Variants in CLMP observed in about 807,000 individuals in gnomAD.
CLMP encodes CXADR-like membrane protein.
In CLMP, 27 loss-of-function variants were observed where a neutral mutation model predicts 45.2. That is an observed-to-expected ratio of 0.60 (90% confidence interval 0.44 to 0.82). The LOEUF (loss-of-function observed/expected upper bound fraction) is 0.82. Ranked by LOEUF, CLMP falls within the 40% of genes least tolerant of loss-of-function variation. The pLI, the probability that CLMP is intolerant of heterozygous loss-of-function variation, is 0.00. For synonymous variants in CLMP, 167 were observed against 171.4 expected (o/e 0.97, Z 0.20); for missense variants, 403 against 448.4 (o/e 0.90, Z 0.91).
intron 5 of CLMP, among the ~76,000 whole-genome samples, chr11:123,077,646 A>G (rs1396665554): frequency 6.6e-6 from 1 of 152,168 alleles, no homozygotes; most frequent in Non-Finnish European, 1.5e-5. Flanking sequence ...TTTTAAAGAA[A>G]TTGGACTTTG....
At chr11:123,088,901 G>A (rs928258456) in intron 2 of CLMP, among the ~76,000 whole-genome samples, 4 of 152,204 alleles carry the variant, frequency 2.6e-5, no homozygotes, top group Non-Finnish European at 5.9e-5. Context: ...TGGGATTCCA[G>A]GCGTGAGCCA....
chr11:123,081,088 G>A lies in CLMP; in HGVS notation c.679+1997C>T, dbSNP rs148326200. Among the ~76,000 whole-genome samples the A allele has an allele frequency of 9.1e-3, 1,385 of 152,212 alleles. 14 individuals carry two copies. Among genetic ancestry groups the A allele is most frequent in the African/African-American group, 0.031 (1,291 of 41,534 alleles). On this transcript the variant is annotated intron_variant, in intron 5 of 6. Transcript: ENST00000448775. The stretch of plus-strand genomic sequence containing the variant: ...GAATCGCTTGAACCTGGGAGGTGGA[G>A]GTGGCAATGAGCCAAGACCACGCCA...
intron 1 of CLMP, among the ~76,000 whole-genome samples, chr11:123,106,328 C>T (rs770094745): frequency 3.4e-5 from 5 of 148,844 alleles, no homozygotes; most frequent in South Asian, 2.1e-4. Flanking sequence ...GAACCTTCAG[C>T]GGGCAGACGG....
intron 5 of CLMP, among the ~76,000 whole-genome samples, chr11:123,078,997 C>G (rs1206168969): frequency 1.3e-5 from 2 of 152,114 alleles, no homozygotes; most frequent in African/African-American, 4.8e-5. Context: ...AGGCTGGTCT[C>G]AAACTCCTGA....
At chr11:123,156,116 T>C (rs949619277) in intron 1 of CLMP, among the ~76,000 whole-genome samples, 1 of 152,132 alleles carries the variant, frequency 6.6e-6, no homozygotes, top group African/African-American at 2.4e-5. Flanking sequence ...ATAAGATTAC[T>C]GTCCTTATGA....
At chr11:123,194,454 C>A (rs1459514490) in intron 1 of CLMP, among the ~76,000 whole-genome samples, 1 of 151,860 alleles carries the variant, frequency 6.6e-6, no homozygotes, top group Non-Finnish European at 1.5e-5. Context: ...GCCCTTTTTC[C>A]CTCTCCCCTT....
At chr11:123,145,744 G>A (rs1475521981) in intron 1 of CLMP, among the ~76,000 whole-genome samples, 3 of 152,196 alleles carry the variant, frequency 2.0e-5, no homozygotes, top group Non-Finnish European at 4.4e-5. Flanking sequence ...GATTATAGGC[G>A]TGAGCCACTG....
At chr11:123,079,379 TG>T (rs1157708872) in intron 5 of CLMP, among the ~76,000 whole-genome samples, 1 of 152,206 alleles carries the variant, frequency 6.6e-6, no homozygotes, top group Admixed American at 6.5e-5. Context: ...AAAGGATTTT[TG>T]GGGGCCTCTT....
chr11:123,150,731 T>G (rs907208376), intron 1 of CLMP, among the ~76,000 whole-genome samples: 1 of 152,164 alleles, frequency 6.6e-6, no homozygotes, highest in Non-Finnish European at 1.5e-5. Context: ...TTTTGTTTTG[T>G]TTTGAGATGG....
chr11:123,123,073 A>C (rs1480240784), intron 1 of CLMP, among the ~76,000 whole-genome samples: 1 of 151,750 alleles, frequency 6.6e-6, no homozygotes, highest in African/African-American at 2.4e-5. Flanking sequence ...TAGGAAAAAT[A>C]TTTGTTTAAA....
At chr11:123,188,975 T>C (rs1226201984) in intron 1 of CLMP, 1 of 152,080 alleles carries the variant, frequency 6.6e-6, no homozygotes, top group Non-Finnish European at 1.5e-5. Flanking sequence ...TCATCCACAG[T>C]CTCAGGATAG....
chr11:123,091,016 C>T (rs75487045), intron 2 of CLMP, among the ~76,000 whole-genome samples: 1,682 of 152,246 alleles, frequency 0.011, 29 homozygotes, highest in African/African-American at 0.038. Context: ...GATTAAACTG[C>T]GAGGGTCCCA....
At chr11:123,149,672 G>C (rs913233281) in intron 1 of CLMP, among the ~76,000 whole-genome samples, 1 of 152,194 alleles carries the variant, frequency 6.6e-6, no homozygotes, top group African/African-American at 2.4e-5. Flanking sequence ...GCTGTAACTG[G>C]CTAGGCCTGA....
intron 1 of CLMP, among the ~76,000 whole-genome samples, chr11:123,192,097 G>C (rs1216280225): frequency 6.6e-6 from 1 of 152,144 alleles, no homozygotes; most frequent in Admixed American, 6.6e-5. Context: ...AGTTTTGGTG[G>C]GGGGATTATC....
At chr11:123,184,120 A>G (rs1287695550) in intron 1 of CLMP, among the ~76,000 whole-genome samples, 3 of 152,260 alleles carry the variant, frequency 2.0e-5, no homozygotes, top group South Asian at 4.2e-4. Context: ...TTTTTTGATT[A>G]ATTTCGCTTT....
At chr11:123,079,806 C>G (rs1202991860) in intron 5 of CLMP, among the ~76,000 whole-genome samples, 1 of 152,182 alleles carries the variant, frequency 6.6e-6, no homozygotes, top group African/African-American at 2.4e-5. Flanking sequence ...AACTACAGAA[C>G]TTGGCAATTT....
At chr11:123,098,326 C>T (rs1866014213) in intron 1 of CLMP, among the ~76,000 whole-genome samples, 1 of 151,826 alleles carries the variant, frequency 6.6e-6, no homozygotes, top group Admixed American at 6.6e-5. Context: ...CTCCTGAGTT[C>T]AAGTGATTCT....
At chr11:123,144,998 A>G (rs1298970862) in intron 1 of CLMP, among the ~76,000 whole-genome samples, 2 of 152,208 alleles carry the variant, frequency 1.3e-5, no homozygotes, top group African/African-American at 4.8e-5. Context: ...TGGAATTGAA[A>G]TGCATAGTGA....
intron 6 of CLMP, among the ~76,000 whole-genome samples, chr11:123,074,240 T>G (rs372859796): frequency 6.7e-6 from 1 of 148,972 alleles, no homozygotes. Context: ...AGAGGTGCAA[T>G]CATGGCTCAC....
Sources: allele counts gnomAD v4.1 joint callset (sites outside exome capture counted in the v4.1 genomes callset), GRCh38; gene constraint gnomAD v4.1.1; transcripts MANE v1.5; gene names NCBI Gene and HGNC (gene_info 2026-07-23, HGNC 2026-07-21).